The following DPP6 variants were observed in gnomAD, a reference collection of about 807,000 sequenced individuals.
The protein encoded by DPP6 is dipeptidyl peptidase like 6, also known as A-type potassium channel modulatory protein DPP6.
DPP6 carries 69 observed loss-of-function variants against 122.6 expected under a neutral mutation model. The observed-to-expected ratio is 0.56, with a 90% confidence interval of 0.46 to 0.69. The LOEUF (loss-of-function observed/expected upper bound fraction) is 0.69, where lower values mean the gene tolerates loss of function less well. Among genes scored for constraint, DPP6 ranks in the 30% least tolerant of loss-of-function variants. The probability of loss-of-function intolerance (pLI) is 0.00; values close to 1 mark genes in which losing one functional copy is unlikely to be tolerated. For synonymous variants in DPP6, 418 were observed against 433.1 expected, an observed-to-expected ratio of 0.97 and a Z score of 0.43; for missense variants, 928 against 1,116.9, an observed-to-expected ratio of 0.83 and a Z score of 2.41.
chr7:154,276,756 C>G (rs1186938245), intron 1 of DPP6, among the ~76,000 whole-genome samples: 2 of 152,184 alleles, frequency 1.3e-5, no homozygotes, highest in African/African-American at 2.4e-5. Context: ...AGGTTAGGTT[C>G]CTTCAAGCCT....
intron 1 of DPP6, among the ~76,000 whole-genome samples, chr7:153,917,888 A>G (rs980727428): frequency 6.6e-6 from 1 of 152,244 alleles, no homozygotes; most frequent in African/African-American, 2.4e-5. Context: ...AGACTTTTCT[A>G]AAAAGATTTG....
chr7:153,753,696 C>A, the DPP6 span, among the ~76,000 whole-genome samples: 1 of 152,130 alleles, frequency 6.6e-6, no homozygotes, highest in Non-Finnish European at 1.5e-5. Context: ...GGATTCTTTG[C>A]AATGAAGAGT....
chr7:154,662,380 G>T (rs1243494452), intron 6 of DPP6, among the ~76,000 whole-genome samples: 4 of 150,470 alleles, frequency 2.7e-5, no homozygotes, highest in African/African-American at 9.7e-5. Context: ...TGGCGTATTG[G>T]CCCTAGTGTT....
intron 1 of DPP6, among the ~76,000 whole-genome samples, chr7:154,107,956 C>T (rs1185043151): frequency 6.6e-6 from 1 of 152,214 alleles, no homozygotes; most frequent in East Asian, 1.9e-4. Flanking sequence ...TCCATTTGAA[C>T]TTCAATTTTC....
intron 7 of DPP6, among the ~76,000 whole-genome samples, chr7:154,678,993 C>T (rs1043242089): frequency 4.0e-5 from 6 of 150,562 alleles, no homozygotes; most frequent in African/African-American, 1.2e-4. Flanking sequence ...TTGGGTTAAT[C>T]GTCTGAGAAT....
the DPP6 span, among the ~76,000 whole-genome samples, chr7:153,872,499 C>T: frequency 1.3e-5 from 2 of 152,108 alleles, no homozygotes; most frequent in Non-Finnish European, 2.9e-5. Context: ...CAGAAGAATT[C>T]TCATTGATGT....
chr7:154,486,799 C>T lies in DPP6; in HGVS notation c.457+11762C>T, dbSNP rs1781968155. 2.0e-5 allele frequency among the ~76,000 whole-genome samples: 3 copies of T among 152,290 alleles called. No individual in the cohort carries two copies. Among genetic ancestry groups the T allele is most frequent in the African/African-American group, 2.4e-5 (1 of 41,558 alleles). ...AGGGCAGCCGATTTCTTCCACACCA[C>T]GCTGGTCCCTTCCAGAGGTGCTGTA... On this transcript the variant is annotated intron_variant, in intron 3 of 25. Coordinates refer to ENST00000377770, the MANE Select transcript of DPP6 (RefSeq NM_130797.4). The surrounding 1 kb of genome is among the most constrained non-coding windows in gnomAD (Gnocchi z 4.5).
chr7:154,307,555 T>C (rs1227134191), intron 1 of DPP6, among the ~76,000 whole-genome samples: 1 of 136,676 alleles, frequency 7.3e-6, no homozygotes, highest in South Asian at 2.3e-4. Flanking sequence ...GGACAGGGGG[T>C]GAAGACCCCA....
At chr7:154,218,308 A>G (rs1243346072) in intron 1 of DPP6, among the ~76,000 whole-genome samples, 2 of 152,170 alleles carry the variant, frequency 1.3e-5, no homozygotes, top group Admixed American at 6.5e-5. Context: ...TGTCACCCTG[A>G]ACTGCCCAGG....
intron 1 of DPP6, among the ~76,000 whole-genome samples, chr7:154,284,614 G>A (rs948695560): frequency 3.3e-5 from 5 of 152,216 alleles, no homozygotes; most frequent in African/African-American, 4.8e-5. Flanking sequence ...CAGCACTTTG[G>A]GAGGCCGAGA....
chr7:154,163,588 C>T (rs1017691548), intron 1 of DPP6, among the ~76,000 whole-genome samples: 71 of 152,210 alleles, frequency 4.7e-4, no homozygotes, highest in African/African-American at 1.7e-3. Flanking sequence ...TGTAAATCAT[C>T]AGTGTCCTGA....
intron 16 of DPP6, among the ~76,000 whole-genome samples, chr7:154,843,708 A>G (rs1451123020): frequency 6.6e-6 from 1 of 152,234 alleles, no homozygotes; most frequent in East Asian, 1.9e-4. Flanking sequence ...TCTTACTAAA[A>G]GTAGACCTTA....
In DPP6 at chr7:154,486,575, C is replaced by T. The variant is rs922390144; in HGVS notation, c.457+11538C>T. On this transcript the variant is annotated intron_variant, in intron 3 of 25. Transcript: ENST00000377770. This position sits in a 1 kb window ranked among gnomAD's most constrained non-coding sequence, Gnocchi z 4.5. ...GTCTCATTAATCCTCATGGCTTGAC[C>T]CAAAATACATTCTCTCTGATTTTCC... Among the ~76,000 whole-genome samples, 1 of 152,160 alleles carries T rather than the reference C, an allele frequency of 6.6e-6. No homozygotes were observed. The highest frequency in any genetic ancestry group is 2.4e-5 in the African/African-American group (1 of 41,432).
chr7:154,464,511 T>G (rs1327857755), intron 2 of DPP6, among the ~76,000 whole-genome samples: 3 of 152,230 alleles, frequency 2.0e-5, no homozygotes, highest in Admixed American at 2.0e-4. Flanking sequence ...AGGCTTTTAT[T>G]TGGCCATCTT....
intron 1 of DPP6, among the ~76,000 whole-genome samples, chr7:154,206,356 C>A (rs137898543): frequency 2.8e-4 from 43 of 152,334 alleles, no homozygotes; most frequent in African/African-American, 8.7e-4. Flanking sequence ...CACCCATTCC[C>A]CTTGTCCCAT....
At chr7:154,312,009 T>A (rs1806940864) in intron 1 of DPP6, among the ~76,000 whole-genome samples, 1 of 152,190 alleles carries the variant, frequency 6.6e-6, no homozygotes, top group South Asian at 2.1e-4. Flanking sequence ...AGGCACAAAG[T>A]TGTGGCAAGA....
chr7:154,809,445 G>A (rs1316800658), intron 16 of DPP6, among the ~76,000 whole-genome samples: 3 of 152,178 alleles, frequency 2.0e-5, no homozygotes, highest in Non-Finnish European at 4.4e-5. Flanking sequence ...CTTCAGCCAT[G>A]AGCGGGTTTC....
At chr7:153,860,017 G>T in the DPP6 span, among the ~76,000 whole-genome samples, 1 of 152,122 alleles carries the variant, frequency 6.6e-6, no homozygotes, top group Non-Finnish European at 1.5e-5. Flanking sequence ...ACTAAGGTTC[G>T]CTTAACTAAT....
At chr7:154,021,726 G>A (rs1202475120) in intron 1 of DPP6, among the ~76,000 whole-genome samples, 1 of 152,128 alleles carries the variant, frequency 6.6e-6, no homozygotes, top group Non-Finnish European at 1.5e-5. Flanking sequence ...AAGTGAGCTT[G>A]GCACGTGGAT....
Sources: allele counts gnomAD v4.1 joint callset (sites outside exome capture counted in the v4.1 genomes callset), GRCh38; gene constraint gnomAD v4.1.1; non-coding constraint Gnocchi (gnomAD v3.1); transcripts MANE v1.5; gene names NCBI Gene and HGNC (gene_info 2026-07-23, HGNC 2026-07-21).